The following TNN variants were observed in gnomAD, a reference collection of about 807,000 sequenced individuals.
The protein encoded by TNN is tenascin-N.
A neutral mutation model predicts 134.4 loss-of-function variants in TNN; 122 were observed. The observed-to-expected ratio is 0.91, with a 90% confidence interval of 0.78 to 1.06. The LOEUF (loss-of-function observed/expected upper bound fraction) is 1.06, where lower values mean the gene tolerates loss of function less well. Among genes scored for constraint, TNN ranks in the 50% least tolerant of loss-of-function variants. The probability of loss-of-function intolerance (pLI) is 0.00; values close to 1 mark genes in which losing one functional copy is unlikely to be tolerated. For missense variants in TNN, 1,739 were observed against 1,699.4 expected (o/e 1.02, Z -0.41); for synonymous variants, 710 against 670.3 (o/e 1.06, Z -0.91).
rs185107471 is a variant in TNN, at chr1:175,119,954, A to T, written c.2650+1130A>T. On this transcript the variant is annotated intron_variant, in intron 11 of 18. Transcript: ENST00000239462. ...CGCCTGGGCCCATGAATGTCTTAAA[A>T]CTCTTTCCAAAGCCTGTGTTTTTAA... 2.6e-5 allele frequency among the ~76,000 whole-genome samples: 4 copies of T among 151,362 alleles called. No individual in the cohort carries two copies. In the South Asian group the frequency reaches 8.4e-4, roughly 32 times the overall value.
rs1676090856 is a variant in TNN at position 175,147,139 on chromosome 1, G to A, written c.*68G>A. On this transcript the variant is annotated 3_prime_UTR_variant, in exon 19 of 19. Coordinates refer to ENST00000239462, the MANE Select transcript of TNN (RefSeq NM_022093.2). ...GGCAGCTTGGGGCGGGGTGGGTAGT[G>A]GTCACTGCGGTCTGGGAGTGCTCAG... is the stretch of plus-strand genomic sequence containing the variant. 6.5e-6 allele frequency: 9 copies of A among 1,393,924 alleles called. No homozygotes were observed. Among genetic ancestry groups the A allele is most frequent in the Non-Finnish European group, 8.5e-6 (9 of 1,054,512 alleles). 86.3% of individuals were successfully genotyped at this position (1,393,924 alleles called of 1,614,324 possible). A position where few individuals can be genotyped will look rare whatever the true frequency, so the allele number is the denominator to read the frequency against.
In TNN at chr1:175,097,402, A is replaced by C. The variant is rs752881832; in HGVS notation, c.1589-15A>C. 10 of 1,613,914 alleles carry C rather than the reference A, an allele frequency of 6.2e-6. No individual in the cohort carries two copies. In the East Asian group the frequency reaches 2.2e-4, roughly 36 times the overall value. On this transcript the variant is annotated splice_polypyrimidine_tract_variant and intron_variant, in intron 7 of 18. Coordinates refer to ENST00000239462, the MANE Select transcript of TNN (RefSeq NM_022093.2). ...GTGGTAAAGGCTACATTCTTCTTTC[A>C]TCTCTCTCTTAAAGAAATTGACAGC...
At chr1:175,136,481 T>C (rs1045722686) in intron 16 of TNN, among the ~76,000 whole-genome samples, 1 of 152,208 alleles carries the variant, frequency 6.6e-6, no homozygotes, top group Non-Finnish European at 1.5e-5. Context: ...AAAATCTCTT[T>C]GGGGATCTTA....
At chr1:175,137,064 G>C in intron 17 of TNN, 76 bp downstream of exon 17, 1 of 1,441,918 alleles carries the variant, frequency 6.9e-7, no homozygotes, top group East Asian at 2.3e-5. Flanking sequence ...GTGTGCCACT[G>C]ATCTGGGGGA....
At chr1:175,121,936 G>A (rs936402813) in intron 11 of TNN, among the ~76,000 whole-genome samples, 7 of 152,220 alleles carry the variant, frequency 4.6e-5, no homozygotes, top group Admixed American at 6.5e-5. Context: ...AATATTTATT[G>A]AGTGTCTAAT....
chr1:175,088,010 C>T (rs1674358202), intron 6 of TNN, among the ~76,000 whole-genome samples: 1 of 152,222 alleles, frequency 6.6e-6, no homozygotes. Flanking sequence ...GCTTCCATGG[C>T]CTCTGTGGGT....
intron 12 of TNN, 77 bp downstream of exon 12, chr1:175,123,740 G>T (rs775536589): frequency 1.3e-6 from 2 of 1,591,536 alleles, no homozygotes; most frequent in African/African-American, 1.4e-5. Flanking sequence ...GGGCTGGGGA[G>T]GGGAGCAGGA....
Position 175,098,501 on chromosome 1 carries a change from G to A in TNN, c.2025G>A (p.Leu675=). 1 of 1,614,168 alleles carries A rather than the reference G, an allele frequency of 6.2e-7. No individual in the cohort carries two copies. ...GGAAGGAGCAGAGCAGCACAGTCCTGACAGGCCTGAGACCGGGTATGGAGT... is the reference window on the plus strand; with the variant it reads ...GGAAGGAGCAGAGCAGCACAGTCCTAACAGGCCTGAGACCGGGTATGGAGT... The part of the protein sequence containing the change: ...PVGKEQSSTV[L]TGLRPGMEYM... The change falls in exon 9 of 19, where the codon CTG becomes CTA. Residue 675 remains leucine, a synonymous_variant. Coordinates refer to ENST00000239462, the MANE Select transcript of TNN (RefSeq NM_022093.2).
chr1:175,080,443 A>T lies in TNN; in HGVS notation c.1048+17A>T, dbSNP rs1191940175. 6.2e-7 allele frequency: 1 copy of T among 1,612,932 alleles called. No homozygotes were observed. The highest frequency in any genetic ancestry group is 1.7e-5 in the Admixed American group (1 of 59,994). Reference sequence around the variant, plus strand: ...CCACCACAGGTGAGGAAGCCACCTGATGCCCCAGGGTTCCCAGGAGAGGCC... The same window carrying T: ...CCACCACAGGTGAGGAAGCCACCTGTTGCCCCAGGGTTCCCAGGAGAGGCC... On this transcript the variant is annotated intron_variant, in intron 4 of 18. Coordinates refer to ENST00000239462, the MANE Select transcript of TNN (RefSeq NM_022093.2).
chr1:175,086,769 T>G (rs1674332370), intron 6 of TNN, among the ~76,000 whole-genome samples: 1 of 152,362 alleles, frequency 6.6e-6, no homozygotes, highest in East Asian at 1.9e-4. Context: ...CTAGACAAGG[T>G]AGACTGTACA....
intron 12 of TNN, 89 bp from the exon 13 acceptor site, chr1:175,126,866 A>G (rs1675541389): frequency 6.9e-7 from 1 of 1,443,738 alleles, no homozygotes; most frequent in Admixed American, 2.3e-5. Flanking sequence ...GGAGGGTTTG[A>G]AAAGGGGAAA....
At chr1:175,081,749 G>A (rs1004851267) in intron 4 of TNN, among the ~76,000 whole-genome samples, 7 of 151,412 alleles carry the variant, frequency 4.6e-5, no homozygotes, top group African/African-American at 1.7e-4. Context: ...GGGGACCATA[G>A]AGGTATCTCA....
At chr1:175,100,321 A>G (rs928246760) in intron 9 of TNN, among the ~76,000 whole-genome samples, 2 of 152,214 alleles carry the variant, frequency 1.3e-5, no homozygotes, top group African/African-American at 4.8e-5. Flanking sequence ...GTCTCCAGAC[A>G]TTGCTGACTG....
intron 6 of TNN, among the ~76,000 whole-genome samples, chr1:175,087,997 C>A (rs1039656997): frequency 6.6e-6 from 1 of 152,342 alleles, no homozygotes; most frequent in African/African-American, 2.4e-5. Flanking sequence ...GGTCAAGGTA[C>A]GTGCTTCCAT....
Position 175,077,906 on chromosome 1 carries a change from G to A in TNN, c.409+79G>A, listed in dbSNP as rs528123311. On this transcript the variant is annotated intron_variant, in intron 2 of 18. Coordinates refer to ENST00000239462, the MANE Select transcript of TNN (RefSeq NM_022093.2). ...GTGCCAGGGTTTCCACTAGCCTCAT[G>A]AGCACTTTGTGACTCTGGTGTGCTC... The A allele has an allele frequency of 2.0e-5, 29 of 1,433,282 alleles. No homozygotes were observed. In the South Asian group the frequency reaches 3.4e-4, roughly 17 times the overall value. 88.8% of individuals were successfully genotyped at this position (1,433,282 alleles called of 1,614,324 possible).
chr1:175,095,813 A>G (rs1284299271), intron 7 of TNN, among the ~76,000 whole-genome samples: 1 of 152,166 alleles, frequency 6.6e-6, no homozygotes. Flanking sequence ...AGCTCAAGCA[A>G]TCCACCCTCC....
chr1:175,079,813 C>T (rs779125896), intron 3 of TNN, 106 bp downstream of exon 3: 188 of 1,402,226 alleles, frequency 1.3e-4, no homozygotes, highest in Non-Finnish European at 1.7e-4. Context: ...CTTTAGCCTA[C>T]GCCAGATTGC....
rs1675437618 is a variant in TNN, at chr1:175,123,625, C to T, written c.2876C>T (p.Ala959Val). 1 of 1,613,918 alleles carries T rather than the reference C, an allele frequency of 6.2e-7. No individual in the cohort carries two copies. The highest frequency in any genetic ancestry group is 8.5e-7 in the Non-Finnish European group (1 of 1,180,014). Reference protein sequence around the residue: ...YMVHVWAQKGAQESKKADTKA... With the variant: ...YMVHVWAQKGVQESKKADTKA... ...GTGCACGTGTGGGCCCAGAAGGGGG[C>T]CCAGGAGAGCAAGAAGGCTGACACC... The change falls in exon 12 of 19, where the codon GCC (alanine) becomes GTC (valine). Residue 959 changes from alanine (A) to valine (V), a missense_variant. Coordinates refer to ENST00000239462, the MANE Select transcript of TNN (RefSeq NM_022093.2).
At chr1:175,096,563 T>G (rs1204279661) in intron 7 of TNN, among the ~76,000 whole-genome samples, 2 of 152,192 alleles carry the variant, frequency 1.3e-5, no homozygotes, top group African/African-American at 4.8e-5. Context: ...GGAGGTAGTT[T>G]CTAAAAGAGG....
Sources: allele counts gnomAD v4.1 joint callset (sites outside exome capture counted in the v4.1 genomes callset), GRCh38; gene constraint gnomAD v4.1.1; transcripts MANE v1.5; gene names NCBI Gene and HGNC (gene_info 2026-07-23, HGNC 2026-07-21).